Variants in RYR2 observed in about 807,000 individuals in gnomAD.
The protein encoded by RYR2 is cardiac muscle ryanodine receptor-calcium release channel.
RYR2 carries 227 observed loss-of-function variants against 601.1 expected under a neutral mutation model. That is an observed-to-expected ratio of 0.38 (90% CI 0.34 to 0.42). RYR2 has a LOEUF of 0.42. RYR2 is among the 10% of genes least tolerant of loss of function. RYR2 has a pLI of 1.00. For missense variants in RYR2, 4,646 were observed against 6,156.5 expected (o/e 0.75, Z 8.21); for synonymous variants, 2,223 against 2,175.1 (o/e 1.02, Z -0.61).
At chr1:237,146,358 G>A (rs965355793) in intron 1 of RYR2, among the ~76,000 whole-genome samples, 13 of 152,180 alleles carry the variant, frequency 8.5e-5, no homozygotes, top group Admixed American at 6.5e-4. Flanking sequence ...GGGCACTGCC[G>A]AATTTAGCGT....
chr1:237,577,907 A>G (rs12132315), intron 29 of RYR2, among the ~76,000 whole-genome samples: 45,399 of 151,920 alleles, frequency 0.3, 7,250 homozygotes, highest in East Asian at 0.61. Flanking sequence ...GGTTCAAGCA[A>G]TTCTCCTCCC....
At chr1:237,638,968 T>C (rs1195709849) in intron 45 of RYR2, 47 bp from the exon 46 acceptor site, 3 of 1,589,086 alleles carry the variant, frequency 1.9e-6, no homozygotes, top group Non-Finnish European at 2.6e-6. Context: ...TGTTCAGAAC[T>C]TCCATATAAT....
chr1:237,258,698 A>G (rs1296123633), intron 1 of RYR2, among the ~76,000 whole-genome samples: 2 of 152,208 alleles, frequency 1.3e-5, no homozygotes, highest in East Asian at 1.9e-4. Flanking sequence ...AGTCCAGGTC[A>G]CTAAAGATTG....
At chr1:237,689,055 G>T (rs1412222357) in intron 63 of RYR2, among the ~76,000 whole-genome samples, 2 of 152,108 alleles carry the variant, frequency 1.3e-5, no homozygotes, top group Non-Finnish European at 2.9e-5. Flanking sequence ...TTGAGGACAG[G>T]AGTTCAAGAC....
At chr1:237,450,880 T>C (rs1658003590) in intron 14 of RYR2, among the ~76,000 whole-genome samples, 1 of 152,224 alleles carries the variant, frequency 6.6e-6, no homozygotes, top group Admixed American at 6.5e-5. Context: ...AATCATGTAT[T>C]AGCTTTTTCA....
intron 24 of RYR2, among the ~76,000 whole-genome samples, chr1:237,518,834 A>G (rs78068387): frequency 0.014 from 2,175 of 152,260 alleles, 46 homozygotes; most frequent in African/African-American, 0.042. Context: ...ACAAGTTTCT[A>G]TACTATTTTT....
At chr1:237,682,541 C>T (rs567577004) in intron 62 of RYR2, among the ~76,000 whole-genome samples, 33 of 152,084 alleles carry the variant, frequency 2.2e-4, no homozygotes, top group Non-Finnish European at 4.4e-4. Context: ...CTACAGTATT[C>T]GGTACAGTAA....
chr1:237,298,972 C>A (rs191272618), intron 2 of RYR2, among the ~76,000 whole-genome samples: 1 of 152,016 alleles, frequency 6.6e-6, no homozygotes, highest in Non-Finnish European at 1.5e-5. Flanking sequence ...CCAGCCTGGG[C>A]GACAAAGTGA....
chr1:237,546,993 A>ATATATATATATATATATATATATTTATT (rs746133377), intron 25 of RYR2, among the ~76,000 whole-genome samples: 12 of 127,392 alleles, frequency 9.4e-5, no homozygotes, highest in Non-Finnish European at 1.8e-4. Context: ...ATATATATAT[A>ATATATATATATATATATATATATTTATT]TATTTATTTA....
At chr1:237,757,944 G>C (rs1290455934) in intron 82 of RYR2, among the ~76,000 whole-genome samples, 168 bp downstream of exon 82, 1 of 152,194 alleles carries the variant, frequency 6.6e-6, no homozygotes, top group Non-Finnish European at 1.5e-5. Context: ...TTATGTGATA[G>C]TGTTACAAAT....
In RYR2 at chr1:237,625,055, T is replaced by A. The variant is rs540889346; in HGVS notation, c.6023-606T>A. Among the ~76,000 whole-genome samples, 75 of 151,504 alleles carry A rather than the reference T, an allele frequency of 5.0e-4. 1 individual carries two copies. The highest frequency in any genetic ancestry group is 1.5e-3 in the African/African-American group (60 of 41,062). On this transcript the variant is annotated intron_variant, in intron 39 of 104. Coordinates refer to ENST00000366574, the MANE Select transcript of RYR2 (RefSeq NM_001035.3). Reference sequence around the variant, plus strand: ...ATGTATGTGTGTGTATATATATATTTTTTTTTTTCTACAAGTATCCCTGTA... The same window carrying A: ...ATGTATGTGTGTGTATATATATATTATTTTTTTTCTACAAGTATCCCTGTA...
chr1:237,226,154 G>C (rs549631655), intron 1 of RYR2, among the ~76,000 whole-genome samples: 1 of 152,292 alleles, frequency 6.6e-6, no homozygotes, highest in Admixed American at 6.5e-5. Context: ...AACAGGGAAC[G>C]GAAGGGTTAA....
chr1:237,076,849 G>A (rs1259928585), intron 1 of RYR2, among the ~76,000 whole-genome samples: 3 of 22,768 alleles, frequency 1.3e-4, no homozygotes, highest in Non-Finnish European at 2.7e-4. Context: ...TGAAATGAAG[G>A]AAAAAATGTT....
At position 237,762,330 on chromosome 1, in the gene RYR2, C is replaced by G. The variant is rs78751667; in HGVS notation, c.11476+1302C>G. ...GACCCATCTGCAGAACTTGGAGCCA[C>G]TGCAGATCTCAGGGCCTATCACCTG... On this transcript the variant is annotated intron_variant, in intron 84 of 104. Coordinates refer to ENST00000366574, the MANE Select transcript of RYR2 (RefSeq NM_001035.3). Among the ~76,000 whole-genome samples the G allele has an allele frequency of 9.5e-3, 1,451 of 152,304 alleles. 27 individuals are homozygous for G. The highest frequency in any genetic ancestry group is 0.033 in the African/African-American group (1,365 of 41,570).
At chr1:237,816,889 T>C (rs1661901933) in intron 100 of RYR2, among the ~76,000 whole-genome samples, 1 of 152,122 alleles carries the variant, frequency 6.6e-6, no homozygotes, top group Non-Finnish European at 1.5e-5. Flanking sequence ...AAGTGATGGA[T>C]GGTCTGTAAG....
chr1:237,806,032 A>T, intron 98 of RYR2, 105 bp from the exon 99 acceptor site: 3 of 954,728 alleles, frequency 3.1e-6, no homozygotes, highest in Non-Finnish European at 4.8e-6. Context: ...GAGTGAGAAC[A>T]TGTAGAGTTT....
intron 1 of RYR2, among the ~76,000 whole-genome samples, chr1:237,075,316 C>T (rs1231766858): frequency 7.9e-5 from 12 of 151,724 alleles, no homozygotes; most frequent in Non-Finnish European, 1.3e-4. Flanking sequence ...CAGCTCCCAG[C>T]GTGAGCGACG....
intron 41 of RYR2, among the ~76,000 whole-genome samples, chr1:237,629,709 C>T (rs1387816052): frequency 6.6e-6 from 1 of 151,948 alleles, no homozygotes; most frequent in African/African-American, 2.4e-5. Flanking sequence ...TTTTCTTTGA[C>T]AGAACTCAAA....
At chr1:237,576,698 A>G (rs1295106948) in intron 29 of RYR2, among the ~76,000 whole-genome samples, 1 of 152,160 alleles carries the variant, frequency 6.6e-6, no homozygotes, top group Non-Finnish European at 1.5e-5. Flanking sequence ...AAGGAAGCAG[A>G]AAAACAGTCA....
Sources: allele counts gnomAD v4.1 joint callset (sites outside exome capture counted in the v4.1 genomes callset), GRCh38; gene constraint gnomAD v4.1.1; transcripts MANE v1.5; gene names NCBI Gene and HGNC (gene_info 2026-07-23, HGNC 2026-07-21).